Variants in CEMIP observed in about 807,000 individuals in gnomAD.
CEMIP encodes cell migration inducing hyaluronidase 1.
A neutral mutation model predicts 156.9 loss-of-function variants in CEMIP; 105 were observed. The observed-to-expected ratio is 0.67, with a 90% CI of 0.57 to 0.79. The LOEUF is 0.79. Ranked by LOEUF, CEMIP falls within the 30% of genes least tolerant of loss-of-function variation. The pLI is 0.00. For synonymous variants in CEMIP, 676 were observed against 668.4 expected (o/e 1.01, Z -0.17); for missense variants, 1,457 against 1,769.4 (o/e 0.82, Z 3.17).
chr15:80,896,507 G>A (rs563904393), intron 12 of CEMIP: 1 of 358,008 alleles, frequency 2.8e-6, no homozygotes, highest in African/African-American at 2.1e-5. Context: ...AAGTTTGAGG[G>A]GGAGGAAGTG....
Position 80,922,010 on chromosome 15 carries a change from A to T in CEMIP, c.2075A>T (p.Glu692Val). The T allele has an allele frequency of 1.9e-6, 3 of 1,614,162 alleles. No homozygotes were observed. The highest frequency in any genetic ancestry group is 2.5e-6 in the Non-Finnish European group (3 of 1,180,018). ...TTCCCTTGTGTCCTTCCCCAACAGG[A>T]AACTGGATTTTGGTTTATTTTTCAC... ...LINCAAAGSE[E>V]TGFWFIFHHV... Residue 692 changes from glutamate (E) to valine (V), a missense_variant and splice_region_variant, in exon 17 of 30, where the codon GAA becomes GTA. Coordinates refer to ENST00000394685, the MANE Select transcript of CEMIP (RefSeq NM_001293298.2).
At chr15:80,943,241 C>A in intron 28 of CEMIP, 139 bp downstream of exon 28, 1 of 945,530 alleles carries the variant, frequency 1.1e-6, no homozygotes, top group Non-Finnish European at 1.7e-6. Flanking sequence ...GCCCACAAAT[C>A]ATGGGTGTTG....
At chr15:80,874,092 C>T in intron 3 of CEMIP, 119 bp downstream of exon 3, 1 of 948,534 alleles carries the variant, frequency 1.1e-6, no homozygotes, top group Non-Finnish European at 1.6e-6. Context: ...GTCAGGGTGC[C>T]TGGGCCTTGG....
At chr15:80,931,574 C>A (rs1900912719) in intron 21 of CEMIP, among the ~76,000 whole-genome samples, 1 of 152,168 alleles carries the variant, frequency 6.6e-6, no homozygotes, top group Non-Finnish European at 1.5e-5. Context: ...ATATTCAACT[C>A]ATCCATCCAT....
At chr15:80,940,425 G>C (rs1286270209) in intron 25 of CEMIP, among the ~76,000 whole-genome samples, 1 of 152,244 alleles carries the variant, frequency 6.6e-6, no homozygotes, top group East Asian at 1.9e-4. Context: ...GGTCCCAGGA[G>C]TGGTTTGGAG....
chr15:80,861,442 T>A lies in CEMIP; in HGVS notation c.-175-12096T>A, dbSNP rs74823279. ...ATCTTTGCTGATCCTTGGCACCTGC[T>A]GTATTCTCCAGGCATCCTCACTCTC... On this transcript the variant is annotated intron_variant, in intron 1 of 29. Transcript: ENST00000394685. Among the ~76,000 whole-genome samples, 1,139 of 152,352 alleles carry A rather than the reference T, an allele frequency of 7.5e-3. 12 individuals carry two copies. The highest frequency in any genetic ancestry group is 8.1e-3 in the Non-Finnish European group (553 of 68,030).
chr15:80,807,578 T>C (rs1896545213), intron 1 of CEMIP, among the ~76,000 whole-genome samples: 1 of 152,086 alleles, frequency 6.6e-6, no homozygotes, highest in Non-Finnish European at 1.5e-5. Context: ...GAAAGACAGA[T>C]TGGATCCAAA....
chr15:80,859,920 C>T lies in CEMIP; in HGVS notation c.-175-13618C>T, dbSNP rs188159330. ...GGGTGCACATGCAGATTACTGAGTC[C>T]TGCCCCAGATCCACAGTCAGAACCC... is the stretch of plus-strand genomic sequence containing the variant. On this transcript the variant is annotated intron_variant, in intron 1 of 29. Transcript: ENST00000394685. Among the ~76,000 whole-genome samples the T allele has an allele frequency of 2.0e-5, 3 of 152,284 alleles. No homozygotes were observed. In the East Asian group the frequency reaches 5.8e-4, roughly 29 times the overall value.
At chr15:80,907,119 C>T (rs1899842425) in intron 13 of CEMIP, among the ~76,000 whole-genome samples, 2 of 152,218 alleles carry the variant, frequency 1.3e-5, no homozygotes, top group South Asian at 4.1e-4. Context: ...TTCAACATTG[C>T]CTTCATTCCT....
At chr15:80,878,026 T>C (rs1009576764) in intron 3 of CEMIP, among the ~76,000 whole-genome samples, 19 of 152,302 alleles carry the variant, frequency 1.2e-4, no homozygotes, top group African/African-American at 4.3e-4. Context: ...CACTGTGTCT[T>C]AGAAGCCTCA....
intron 10 of CEMIP, among the ~76,000 whole-genome samples, chr15:80,891,290 T>C (rs180865667): frequency 3.0e-4 from 46 of 152,292 alleles, no homozygotes; most frequent in Middle Eastern, 3.4e-3. Context: ...TTCCCCACTC[T>C]TGCATTTACT....
At chr15:80,802,641 G>A (rs1355259757) in intron 1 of CEMIP, among the ~76,000 whole-genome samples, 3 of 152,232 alleles carry the variant, frequency 2.0e-5, no homozygotes, top group African/African-American at 7.2e-5. Context: ...GCTTTTCTCT[G>A]TATGTTTGAA....
At chr15:80,909,478 G>GA in intron 14 of CEMIP, 172 bp downstream of exon 14, 1 of 723,808 alleles carries the variant, frequency 1.4e-6, no homozygotes, top group Non-Finnish European at 2.5e-6. Context: ...ACAGGAAGGA[G>GA]AAAATAGAGG....
At chr15:80,940,020 C>T (rs1350119016) in intron 25 of CEMIP, among the ~76,000 whole-genome samples, 1 of 152,212 alleles carries the variant, frequency 6.6e-6, no homozygotes, top group Non-Finnish European at 1.5e-5. Context: ...GTGATTGTAG[C>T]TGTGTTCTGG....
chr15:80,942,376 A>C, intron 27 of CEMIP, 39 bp downstream of exon 27: 8 of 1,527,180 alleles, frequency 5.2e-6, no homozygotes, highest in South Asian at 2.2e-5. Flanking sequence ...GGGTTTGCTC[A>C]TTGAGAGGTG....
At chr15:80,899,775 G>A (rs1258277590) in intron 12 of CEMIP, among the ~76,000 whole-genome samples, 1 of 152,188 alleles carries the variant, frequency 6.6e-6, no homozygotes. Context: ...GTGTTTATAG[G>A]AGGGAGCCAA....
In CEMIP at chr15:80,888,750, G is replaced by T; in HGVS notation, c.918G>T (p.Glu306Asp). The change falls in exon 9 of 30, where the codon GAG becomes GAT. Residue 306 changes from glutamate to aspartate, a missense_variant. Physicochemically the swap from Glu to Asp is conservative, Grantham distance 45. This residue lies in a region of CEMIP where 280 missense variants were observed against 300.3 expected (regional missense o/e 0.93). Coordinates refer to ENST00000394685, the MANE Select transcript of CEMIP (RefSeq NM_001293298.2). ...GGGTATTCAAATTGTTCCAGACAGA[G>T]CATGGCGAATATTTCAATGTTTCTT... ...AARVFKLFQTEHGEYFNVSLS... is the reference protein window; with the variant it reads ...AARVFKLFQTDHGEYFNVSLS... The T allele has an allele frequency of 6.2e-7, 1 of 1,614,140 alleles. No individual in the cohort carries two copies.
intron 1 of CEMIP, among the ~76,000 whole-genome samples, chr15:80,789,454 A>G (rs367675056): frequency 1.4e-3 from 207 of 152,334 alleles, no homozygotes; most frequent in African/African-American, 4.9e-3. Flanking sequence ...ACTGCTTAAG[A>G]AGCCACAGAG....
intron 1 of CEMIP, among the ~76,000 whole-genome samples, chr15:80,871,695 C>T (rs910392149): frequency 2.0e-5 from 3 of 152,202 alleles, no homozygotes; most frequent in Admixed American, 1.3e-4. Context: ...TGGCAGCAGA[C>T]AGCAAACTAT....
Sources: allele counts gnomAD v4.1 joint callset (sites outside exome capture counted in the v4.1 genomes callset), GRCh38; gene constraint gnomAD v4.1.1; regional missense constraint gnomAD v4.1.1; transcripts MANE v1.5; gene names NCBI Gene and HGNC (gene_info 2026-07-23, HGNC 2026-07-21).